Variants in CNTNAP5 observed in about 807,000 individuals in gnomAD.
CNTNAP5 encodes contactin-associated protein-like 5.
CNTNAP5 carries 72 observed loss-of-function variants against 150.2 expected under a neutral mutation model. The ratio of observed to expected loss-of-function variants is 0.48; its 90% CI spans 0.40 to 0.58. CNTNAP5 has a LOEUF of 0.58. Among genes scored for constraint, CNTNAP5 ranks in the 20% least tolerant of loss-of-function variants. The pLI is 0.00. For synonymous variants in CNTNAP5, 672 were observed against 619.8 expected, an observed-to-expected ratio of 1.08 and a Z score of -1.25; for missense variants, 1,636 against 1,626.2, an observed-to-expected ratio of 1.01 and a Z score of -0.10.
intron 21 of CNTNAP5, among the ~76,000 whole-genome samples, chr2:124,886,036 A>C (rs908449748): frequency 2.0e-5 from 3 of 152,082 alleles, no homozygotes; most frequent in Non-Finnish European, 4.4e-5. Flanking sequence ...GGGCTAGCCC[A>C]GTGGAATCAA....
intron 19 of CNTNAP5, among the ~76,000 whole-genome samples, chr2:124,831,742 ATTAT>A (rs1413623328): frequency 6.6e-6 from 1 of 151,370 alleles, no homozygotes; most frequent in Non-Finnish European, 1.5e-5. Context: ...ATGATTATCT[ATTAT>A]TTAATTTAAC....
intron 13 of CNTNAP5, among the ~76,000 whole-genome samples, chr2:124,705,927 T>A (rs1050228842): frequency 3.3e-5 from 5 of 152,058 alleles, no homozygotes; most frequent in Non-Finnish European, 7.4e-5. Flanking sequence ...AGTTTGAAAA[T>A]AACTGTGGAC....
intron 21 of CNTNAP5, among the ~76,000 whole-genome samples, chr2:124,881,503 G>T (rs1677963800): frequency 6.6e-6 from 1 of 152,066 alleles, no homozygotes; most frequent in African/African-American, 2.4e-5. Flanking sequence ...AGTTACAATG[G>T]ATTATAAAGC....
chr2:124,222,043 C>T (rs566906939), intron 2 of CNTNAP5, among the ~76,000 whole-genome samples: 8 of 152,104 alleles, frequency 5.3e-5, no homozygotes, highest in Middle Eastern at 3.4e-3. Context: ...TTGATTATCA[C>T]GAGAGGTCTT....
At chr2:124,075,376 T>C (rs546666294) in intron 1 of CNTNAP5, among the ~76,000 whole-genome samples, 24 of 152,258 alleles carry the variant, frequency 1.6e-4, no homozygotes, top group Non-Finnish European at 3.1e-4. Flanking sequence ...ATCCCTTTCA[T>C]GTGAAGTTTT....
chr2:124,758,844 T>C (rs13020806), intron 14 of CNTNAP5, among the ~76,000 whole-genome samples: 33,838 of 151,990 alleles, frequency 0.22, 4,427 homozygotes, highest in Middle Eastern at 0.36. Flanking sequence ...GATAAAATAC[T>C]AGCCATGGAC....
chr2:124,098,014 C>T (rs374819375), intron 1 of CNTNAP5, among the ~76,000 whole-genome samples: 1 of 150,916 alleles, frequency 6.6e-6, no homozygotes, highest in East Asian at 2.0e-4. Flanking sequence ...GGCGACAGAG[C>T]GAGACTCCGT....
At chr2:124,833,803 G>A (rs774291810) in intron 19 of CNTNAP5, among the ~76,000 whole-genome samples, 4 of 152,068 alleles carry the variant, frequency 2.6e-5, no homozygotes, top group African/African-American at 9.7e-5. Context: ...TGTCTTATGT[G>A]TAGGAAAAGG....
At chr2:124,460,964 A>C (rs1178050715) in intron 6 of CNTNAP5, among the ~76,000 whole-genome samples, 1 of 152,248 alleles carries the variant, frequency 6.6e-6, no homozygotes, top group African/African-American at 2.4e-5. Flanking sequence ...AAGTAGATGC[A>C]AAGGGAAAAT....
chr2:124,457,160 T>C (rs1301960886), intron 6 of CNTNAP5, among the ~76,000 whole-genome samples: 1 of 152,180 alleles, frequency 6.6e-6, no homozygotes, highest in Non-Finnish European at 1.5e-5. Flanking sequence ...GTTCACAATC[T>C]ATACAATCTT....
chr2:124,407,552 G>T (rs1168365379), intron 3 of CNTNAP5, among the ~76,000 whole-genome samples: 1 of 152,130 alleles, frequency 6.6e-6, no homozygotes, highest in Non-Finnish European at 1.5e-5. Context: ...ATGAGGTTCA[G>T]GTACTTCAAT....
intron 12 of CNTNAP5, among the ~76,000 whole-genome samples, chr2:124,627,213 C>T (rs1188984684): frequency 5.3e-5 from 8 of 152,166 alleles, no homozygotes. Context: ...CAGCACAGCA[C>T]ACCAGCTCCC....
chr2:124,865,917 C>G lies in CNTNAP5; in HGVS notation c.3348+481C>G, dbSNP rs139717095. Among the ~76,000 whole-genome samples the G allele has an allele frequency of 1.1e-3, 168 of 151,328 alleles. 1 individual carries two copies. Among genetic ancestry groups the G allele is most frequent in the African/African-American group, 3.8e-3 (157 of 41,204 alleles). ...AGAAATCACGCCATTGAACTCCAGC[C>G]TGGGAGACAGAGCAAGACTTCATTA... On this transcript the variant is annotated intron_variant, in intron 20 of 23. Transcript: ENST00000682447.
At chr2:124,627,146 C>A (rs1409150609) in intron 12 of CNTNAP5, among the ~76,000 whole-genome samples, 1 of 152,164 alleles carries the variant, frequency 6.6e-6, no homozygotes, top group Non-Finnish European at 1.5e-5. Context: ...CAGACTTAAT[C>A]TTTCCTGCCT....
chr2:124,507,389 G>A (rs1324549477), intron 8 of CNTNAP5, among the ~76,000 whole-genome samples: 4 of 152,224 alleles, frequency 2.6e-5, no homozygotes, highest in Admixed American at 6.5e-5. Context: ...GCCCAGGGAG[G>A]CCGAGGCTGC....
chr2:124,814,363 G>A (rs978987238), intron 19 of CNTNAP5, among the ~76,000 whole-genome samples: 1 of 151,692 alleles, frequency 6.6e-6, no homozygotes, highest in African/African-American at 2.4e-5. Context: ...ACTGCATTAA[G>A]AGCCCTTCAA....
intron 1 of CNTNAP5, among the ~76,000 whole-genome samples, chr2:124,037,311 A>T (rs1009741243): frequency 6.6e-6 from 1 of 152,198 alleles, no homozygotes; most frequent in Non-Finnish European, 1.5e-5. Context: ...ATCACTACAT[A>T]ATATTTCACC....
intron 13 of CNTNAP5, among the ~76,000 whole-genome samples, chr2:124,734,607 A>G (rs1680343644): frequency 2.0e-5 from 3 of 151,936 alleles, no homozygotes; most frequent in South Asian, 2.1e-4. Flanking sequence ...CCAAGACAAA[A>G]GCAAAGCAAC....
At chr2:124,704,442 G>A (rs1204156749) in intron 13 of CNTNAP5, among the ~76,000 whole-genome samples, 3 of 150,550 alleles carry the variant, frequency 2.0e-5, no homozygotes, top group African/African-American at 4.8e-5. Context: ...ACTATTCCAG[G>A]AACATGCCAG....
Sources: allele counts gnomAD v4.1 joint callset (sites outside exome capture counted in the v4.1 genomes callset), GRCh38; gene constraint gnomAD v4.1.1; transcripts MANE v1.5; gene names NCBI Gene and HGNC (gene_info 2026-07-23, HGNC 2026-07-21).